PARD3B: variants seen among roughly 807,000 people sequenced by gnomAD.
PARD3B encodes partitioning defective 3 homolog B.
A neutral mutation model predicts 130.2 loss-of-function variants in PARD3B; 103 were observed. The observed-to-expected ratio is 0.79, with a 90% CI of 0.67 to 0.93. The LOEUF (loss-of-function observed/expected upper bound fraction) is 0.93. Among genes scored for constraint, PARD3B ranks in the 40% least tolerant of loss-of-function variants. PARD3B has a pLI of 0.00. For synonymous variants in PARD3B, 583 were observed against 553.2 expected, an observed-to-expected ratio of 1.05 and a Z score of -0.76; for missense variants, 1,609 against 1,499.2, an observed-to-expected ratio of 1.07 and a Z score of -1.21.
At position 205,460,398 on chromosome 2, in the gene PARD3B, GA is replaced by G. The variant is rs1437592197; in HGVS notation, c.3044+19727del. ...CAAGACTAAGGATGTTGATAGTGAT[GA>G]TGATGATGATGATGATGATGATGAT... On this transcript the variant is annotated intron_variant, in intron 20 of 22. Coordinates refer to ENST00000406610, the MANE Select transcript of PARD3B (RefSeq NM_001302769.2). This position sits in a 1 kb window ranked among gnomAD's most constrained non-coding sequence, Gnocchi z 4.9. Among the ~76,000 whole-genome samples the G allele has an allele frequency of 4.3e-5, 6 of 141,044 alleles. No individual in the cohort carries two copies. The highest frequency in any genetic ancestry group is 3.6e-3 in the Middle Eastern group (1 of 278). The allele number at this position is 141,044 out of a possible 152,430, so 92.5% of individuals were successfully genotyped here.
chr2:205,094,518 T>G (rs1307445356), intron 4 of PARD3B, among the ~76,000 whole-genome samples: 1 of 152,190 alleles, frequency 6.6e-6, no homozygotes, highest in Non-Finnish European at 1.5e-5. Flanking sequence ...TTGAGATTTT[T>G]TTTTTCTAAA....
Position 204,795,135 on chromosome 2 carries a change from C to A in PARD3B, c.222+108853C>A, listed in dbSNP as rs371037321. On this transcript the variant is annotated intron_variant, in intron 2 of 22. Coordinates refer to ENST00000406610, the MANE Select transcript of PARD3B (RefSeq NM_001302769.2). ...CTGGTTAGGAATTGAAAAGTTTAAG[C>A]TAGAGCTTAAGCTTAGGTTAGGAAA... Among the ~76,000 whole-genome samples the A allele has an allele frequency of 8.5e-5, 13 of 152,210 alleles. No homozygotes were observed. In the East Asian group the frequency reaches 2.3e-3, roughly 27 times the overall value.
intron 2 of PARD3B, among the ~76,000 whole-genome samples, chr2:204,734,869 A>G (rs966101908): frequency 2.6e-5 from 4 of 152,042 alleles, no homozygotes; most frequent in Non-Finnish European, 4.4e-5. Flanking sequence ...TACCACTGAA[A>G]TGGGTGCATT....
chr2:204,606,735 G>T lies in PARD3B; in HGVS notation c.120+60616G>T, dbSNP rs1210610455. 6.6e-6 allele frequency among the ~76,000 whole-genome samples: 1 copy of T among 152,046 alleles called. No individual in the cohort carries two copies. Among genetic ancestry groups the T allele is most frequent in the African/African-American group, 2.4e-5 (1 of 41,386 alleles). ...GTTAATATGCCCAAACTGTTTTAAA[G>T]GTTTGACCTGCATGCACCTCATTAA... On this transcript the variant is annotated intron_variant, in intron 1 of 22. Transcript: ENST00000406610. The surrounding 1 kb of genome is among the most constrained non-coding windows in gnomAD (Gnocchi z 4.0).
intron 19 of PARD3B, among the ~76,000 whole-genome samples, chr2:205,419,642 G>A (rs879548849): frequency 6.6e-6 from 1 of 152,144 alleles, no homozygotes; most frequent in Non-Finnish European, 1.5e-5. Flanking sequence ...AACTTCTCAA[G>A]TTAGTAATTA....
At chr2:204,694,234 T>G (rs1176316207) in intron 2 of PARD3B, among the ~76,000 whole-genome samples, 1 of 152,064 alleles carries the variant, frequency 6.6e-6, no homozygotes, top group Non-Finnish European at 1.5e-5. Flanking sequence ...AGTCAACATT[T>G]GTAAATCATC....
At chr2:204,899,234 T>TTGCC (rs1559239716) in intron 2 of PARD3B, among the ~76,000 whole-genome samples, 2 of 98,748 alleles carry the variant, frequency 2.0e-5, no homozygotes, top group African/African-American at 8.8e-5. Context: ...CCTCCTCTCC[T>TTGCC]TCCCTCCCTC....
At position 205,451,826 on chromosome 2, in the gene PARD3B, A is replaced by G. The variant is rs902997428; in HGVS notation, c.3044+11154A>G. ...TACCCTTTGTGTTGCAAACAATCCAATTATACTCTTTTAGGTATTTTTAAA... is the reference window on the plus strand; with the variant it reads ...TACCCTTTGTGTTGCAAACAATCCAGTTATACTCTTTTAGGTATTTTTAAA... On this transcript the variant is annotated intron_variant, in intron 20 of 22. Transcript: ENST00000406610. Among the ~76,000 whole-genome samples the G allele has an allele frequency of 1.7e-4, 26 of 152,218 alleles. No homozygotes were observed. In the East Asian group the frequency reaches 2.5e-3, roughly 15 times the overall value.
intron 2 of PARD3B, among the ~76,000 whole-genome samples, chr2:204,961,597 C>G (rs1298498728): frequency 6.6e-6 from 1 of 152,078 alleles, no homozygotes; most frequent in Non-Finnish European, 1.5e-5. Flanking sequence ...GTTATATTAA[C>G]CCATGAAACA....
At chr2:205,162,464 G>A (rs760258389) in intron 11 of PARD3B, among the ~76,000 whole-genome samples, 15 of 152,218 alleles carry the variant, frequency 9.9e-5, no homozygotes, top group Non-Finnish European at 2.1e-4. Flanking sequence ...TGATGCCAAT[G>A]TGCCTAAGCA....
intron 3 of PARD3B, among the ~76,000 whole-genome samples, chr2:204,977,531 C>T (rs1195477117): frequency 2.6e-5 from 4 of 151,716 alleles, no homozygotes; most frequent in African/African-American, 4.8e-5. Context: ...CTTGGTAGGC[C>T]GGGCGCGGTG....
chr2:205,300,428 C>G lies in PARD3B; in HGVS notation c.2186-102C>G. On this transcript the variant is annotated intron_variant, in intron 16 of 22. Transcript: ENST00000406610. The surrounding 1 kb of genome is among the most constrained non-coding windows in gnomAD (Gnocchi z 4.1). ...AACCCCAACTCCCACCCACTTAACA[C>G]CCCTTTTTTGGGATGTCCAGACAGA... 11 of 1,106,578 alleles carry G rather than the reference C, an allele frequency of 9.9e-6. No individual in the cohort carries two copies. Among genetic ancestry groups the G allele is most frequent in the Non-Finnish European group, 1.5e-5 (11 of 744,320 alleles). The allele number at this position is 1,106,578 out of a possible 1,614,324, so 68.5% of individuals were successfully genotyped here. A position where few individuals can be genotyped will look rare whatever the true frequency, so the allele number is the denominator to read the frequency against.
At chr2:204,791,985 T>C (rs2042220269) in intron 2 of PARD3B, among the ~76,000 whole-genome samples, 1 of 152,224 alleles carries the variant, frequency 6.6e-6, no homozygotes, top group African/African-American at 2.4e-5. Flanking sequence ...TACCTTATAC[T>C]GTCTAAAATT....
chr2:205,100,623 C>T (rs1025585873), intron 4 of PARD3B, among the ~76,000 whole-genome samples: 3 of 151,966 alleles, frequency 2.0e-5, no homozygotes, highest in African/African-American at 7.2e-5. Context: ...GTCGTACTGA[C>T]ATAAGAATAG....
At chr2:204,563,246 TC>T (rs2031452060) in intron 1 of PARD3B, among the ~76,000 whole-genome samples, 2 of 148,954 alleles carry the variant, frequency 1.3e-5, no homozygotes, top group African/African-American at 4.9e-5. Context: ...TCTCTCTCTC[TC>T]TCTCTCTCTC....
In PARD3B at chr2:205,300,472, G is replaced by A. The variant is rs1574636115; in HGVS notation, c.2186-58G>A. ...AGACAGAAATATTCTTAGAACAATA[G>A]CATTACACCACACTGCCCCATTAGA... On this transcript the variant is annotated intron_variant, in intron 16 of 22. Transcript: ENST00000406610. The surrounding 1 kb of genome is among the most constrained non-coding windows in gnomAD (Gnocchi z 4.1). 1.4e-6 allele frequency: 2 copies of A among 1,437,490 alleles called. No individual in the cohort carries two copies. The highest frequency in any genetic ancestry group is 2.3e-5 in the East Asian group (1 of 43,756). The allele number at this position is 1,437,490 out of a possible 1,614,324, so 89.0% of individuals were successfully genotyped here. A position where few individuals can be genotyped will look rare whatever the true frequency, so the allele number is the denominator to read the frequency against.
Position 204,951,660 on chromosome 2 carries a change from ATAAG to A in PARD3B, c.223-13489_223-13486del, listed in dbSNP as rs745843441. 5.3e-5 allele frequency among the ~76,000 whole-genome samples: 8 copies of A among 152,206 alleles called. No individual in the cohort carries two copies. In the South Asian group the frequency reaches 6.2e-4, roughly 12 times the overall value. The stretch of plus-strand genomic sequence containing the variant: ...CATATGTTACCTACATGTAAATAAA[ATAAG>A]TATTAAGTTTGAAATTTACATGAGA... On this transcript the variant is annotated intron_variant, in intron 2 of 22. Coordinates refer to ENST00000406610, the MANE Select transcript of PARD3B (RefSeq NM_001302769.2).
intron 1 of PARD3B, among the ~76,000 whole-genome samples, chr2:204,572,055 C>T (rs891455021): frequency 7.2e-5 from 11 of 152,028 alleles, no homozygotes; most frequent in South Asian, 2.1e-4. Flanking sequence ...AGTAACTTTG[C>T]GGATCTAGAA....
chr2:204,697,045 A>G (rs553846868), intron 2 of PARD3B, among the ~76,000 whole-genome samples: 2 of 152,230 alleles, frequency 1.3e-5, no homozygotes, highest in African/African-American at 4.8e-5. Context: ...ATGATTTGAG[A>G]TTATTCTAAT....
Sources: gnomAD v4.1 joint callset for allele counts (sites outside exome capture counted in the v4.1 genomes callset) on GRCh38, gnomAD v4.1.1 for gene constraint, Gnocchi (gnomAD v3.1) non-coding constraint, MANE v1.5 for transcripts, NCBI Gene and HGNC (gene_info 2026-07-23, HGNC 2026-07-21) for gene names.